The following TMEM233 variants were observed in gnomAD, a reference collection of about 807,000 sequenced individuals.
The protein encoded by TMEM233 is transmembrane protein 233.
A neutral mutation model predicts 11.2 loss-of-function variants in TMEM233; 6 were observed. That is an observed-to-expected ratio of 0.54 (90% CI 0.29 to 1.06). The LOEUF is 1.06. Ranked by LOEUF, TMEM233 falls within the 50% of genes least tolerant of loss-of-function variation. TMEM233 has a pLI of 0.08. For missense variants in TMEM233, 127 were observed against 144.7 expected (o/e 0.88, Z 0.63); for synonymous variants, 59 against 55.8 (o/e 1.06, Z -0.26).
the TMEM233 span, among the ~76,000 whole-genome samples, chr12:119,649,396 G>A: frequency 6.6e-6 from 1 of 152,140 alleles, no homozygotes; most frequent in Admixed American, 6.6e-5. Context: ...TTGTGCCTGG[G>A]ATGCCCCCTA....
intron 1 of TMEM233, among the ~76,000 whole-genome samples, chr12:119,599,269 T>A (rs1286443236): frequency 1.3e-5 from 2 of 152,226 alleles, no homozygotes; most frequent in African/African-American, 2.4e-5. Flanking sequence ...TTGTAATTTT[T>A]AAATAACTTA....
intron 1 of TMEM233, among the ~76,000 whole-genome samples, chr12:119,625,367 C>CTTCT (rs71072545): frequency 0.72 from 105,429 of 145,438 alleles, 38,449 homozygotes; most frequent in Middle Eastern, 0.84. Context: ...ATAACTTCTT[C>CTTCT]TTTTTTTTTT....
rs1953982518 is a variant in TMEM233, at chr12:119,594,228, C to G, written c.186+194C>G. 2 of 602,824 alleles carry G rather than the reference C, an allele frequency of 3.3e-6. No individual in the cohort carries two copies. Among genetic ancestry groups the G allele is most frequent in the Admixed American group, 6.0e-5 (2 of 33,596 alleles). The allele number at this position is 602,824 out of a possible 1,614,324, so 37.3% of individuals were successfully genotyped here. A position where few individuals can be genotyped will look rare whatever the true frequency, so the allele number is the denominator to read the frequency against. Reference sequence around the variant, plus strand: ...CTCCCCGCAATCATCAGCACCTCCTCTGCACTCCTCGTGGTACTCAGAGCC... The same window carrying G: ...CTCCCCGCAATCATCAGCACCTCCTGTGCACTCCTCGTGGTACTCAGAGCC... On this transcript the variant is annotated intron_variant, in intron 1 of 2. Transcript: ENST00000426426. This position sits in a 1 kb window ranked among gnomAD's most constrained non-coding sequence, Gnocchi z 5.6.
Position 119,640,723 on chromosome 12 carries a change from G to A in TMEM233, c.*18G>A. 6.4e-7 allele frequency: 1 copy of A among 1,550,768 alleles called. No homozygotes were observed. The highest frequency in any genetic ancestry group is 8.7e-7 in the Non-Finnish European group (1 of 1,146,936). On this transcript the variant is annotated 3_prime_UTR_variant, in exon 3 of 3. Transcript: ENST00000426426. ...GTGCCTGAGGAACCAGCGGTCAGTG[G>A]GCTGTGAGCGTGGAGGATGGACCTC...
chr12:119,625,079 A>G (rs1030436903), intron 1 of TMEM233, among the ~76,000 whole-genome samples: 25 of 152,280 alleles, frequency 1.6e-4, no homozygotes, highest in South Asian at 8.3e-4. Flanking sequence ...TCTCATTCAC[A>G]CAAGAGGCCT....
At chr12:119,627,682 C>A (rs572133244) in intron 1 of TMEM233, among the ~76,000 whole-genome samples, 1 of 152,294 alleles carries the variant, frequency 6.6e-6, no homozygotes, top group East Asian at 1.9e-4. Context: ...CCAGGCCCCA[C>A]CTCCAACATT....
rs568311774 is a variant in TMEM233, at chr12:119,623,247, G to T, written c.187-6489G>T. ...GCCAGGAGTTGCCATTTAGAAAAGA[G>T]AGGGGACTTCATTATTTTTCCTATG... On this transcript the variant is annotated intron_variant, in intron 1 of 2. Coordinates refer to ENST00000426426, the MANE Select transcript of TMEM233 (RefSeq NM_001136534.3). 3.3e-5 allele frequency among the ~76,000 whole-genome samples: 5 copies of T among 152,316 alleles called. No homozygotes were observed. In the South Asian group the frequency reaches 8.3e-4, roughly 25 times the overall value.
chr12:119,611,434 G>C (rs1954398179), intron 1 of TMEM233, among the ~76,000 whole-genome samples: 1 of 151,980 alleles, frequency 6.6e-6, no homozygotes, highest in Admixed American at 6.5e-5. Flanking sequence ...ATGATGTTGA[G>C]CATTTCCTGT....
At chr12:119,625,229 T>G (rs949535600) in intron 1 of TMEM233, among the ~76,000 whole-genome samples, 1 of 152,224 alleles carries the variant, frequency 6.6e-6, no homozygotes, top group African/African-American at 2.4e-5. Flanking sequence ...ATTGTCTGCA[T>G]ATGTCTAATC....
intron 1 of TMEM233, among the ~76,000 whole-genome samples, chr12:119,604,998 C>CTCTTTTTTTTTTTT (rs567468740): frequency 7.1e-6 from 1 of 141,458 alleles, no homozygotes. Flanking sequence ...CCCTCACTAT[C>CTCTTTTTTTTTTTT]TTTTTTTTTT....
At chr12:119,613,634 C>T (rs1954458381) in intron 1 of TMEM233, among the ~76,000 whole-genome samples, 1 of 151,688 alleles carries the variant, frequency 6.6e-6, no homozygotes, top group African/African-American at 2.4e-5. Context: ...GGCAACATAG[C>T]AAGACCCTGT....
In TMEM233 at chr12:119,593,949, C is replaced by T; in HGVS notation, c.101C>T (p.Pro34Leu). Reference protein sequence around the residue: ...DDKTEEDVPMPKNYLWLTIVS... With the variant: ...DDKTEEDVPMLKNYLWLTIVS... ...AAGACCGAGGAGGACGTGCCCATGC[C>T]CAAGAACTACCTGTGGCTCACCATC... The change falls in exon 1 of 3, where the codon CCC (proline) becomes CTC (leucine). Residue 34 changes from proline to leucine, a missense_variant. Physicochemically the swap from Pro to Leu is moderately conservative, Grantham distance 98 (BLOSUM62 -3). Transcript: ENST00000426426. This position sits in a 1 kb window ranked among gnomAD's most constrained non-coding sequence, Gnocchi z 4.1. 6.4e-7 allele frequency: 1 copy of T among 1,551,744 alleles called. No homozygotes were observed. Among genetic ancestry groups the T allele is most frequent in the Non-Finnish European group, 8.7e-7 (1 of 1,146,992 alleles).
At chr12:119,631,340 A>G in intron 2 of TMEM233, 1 of 219,838 alleles carries the variant, frequency 4.5e-6, no homozygotes. Flanking sequence ...AGCCAACCCA[A>G]CCTTGGCAAC....
At chr12:119,609,563 G>C (rs1468616564) in intron 1 of TMEM233, among the ~76,000 whole-genome samples, 1 of 152,144 alleles carries the variant, frequency 6.6e-6, no homozygotes, top group Non-Finnish European at 1.5e-5. Context: ...ATGGGCCCAG[G>C]GCCCCCTGCT....
chr12:119,640,878 A>T lies in TMEM233; in HGVS notation c.*173A>T, dbSNP rs1955073630. The T allele has an allele frequency of 3.1e-6, 2 of 642,784 alleles. No individual in the cohort carries two copies. The highest frequency in any genetic ancestry group is 4.9e-6 in the Non-Finnish European group (2 of 404,630). The allele number at this position is 642,784 out of a possible 1,614,324, so 39.8% of individuals were successfully genotyped here. On this transcript the variant is annotated 3_prime_UTR_variant, in exon 3 of 3. Coordinates refer to ENST00000426426, the MANE Select transcript of TMEM233 (RefSeq NM_001136534.3). ...CAAGAAAAAAAAAAAAAAAAAGTCC[A>T]AAATTTAGGCAATCCAAGCTGCACA... is the stretch of plus-strand genomic sequence containing the variant.
At chr12:119,640,116 A>C (rs1486433592) in intron 2 of TMEM233, among the ~76,000 whole-genome samples, 1 of 151,964 alleles carries the variant, frequency 6.6e-6, no homozygotes, top group Non-Finnish European at 1.5e-5. Context: ...GAAATGCTCA[A>C]GAGGCATTTT....
rs572862963 is a variant in TMEM233 at position 119,633,118 on chromosome 12, T to C, written c.323+3246T>C. On this transcript the variant is annotated intron_variant, in intron 2 of 2. Transcript: ENST00000426426. ...CACTGTTCACAAAGGTTAGAGCCTA[T>C]GATTTAATACCAGCTTTATCAGGAT... Among the ~76,000 whole-genome samples, 78 of 152,332 alleles carry C rather than the reference T, an allele frequency of 5.1e-4. No individual in the cohort carries two copies. In the South Asian group the frequency reaches 0.01, roughly 20 times the overall value.
At position 119,641,585 on chromosome 12, in the gene TMEM233, C is replaced by A. The variant is rs1183414543; in HGVS notation, c.*880C>A. ...TCCTGGATGCCACCTGGAAATGCCA[C>A]CCATTGTGTTTCTTTTCTGTCAAAT... On this transcript the variant is annotated 3_prime_UTR_variant, in exon 3 of 3. Transcript: ENST00000426426. 1 of 152,036 alleles carries A rather than the reference C, an allele frequency of 6.6e-6. No homozygotes were observed. The highest frequency in any genetic ancestry group is 6.5e-5 in the Admixed American group (1 of 15,270). 9.4% of individuals were successfully genotyped at this position (152,036 alleles called of 1,614,324 possible).
chr12:119,643,407 A>T (rs1239095854), downstream of TMEM233, among the ~76,000 whole-genome samples: 2 of 152,212 alleles, frequency 1.3e-5, no homozygotes, highest in African/African-American at 4.8e-5. Context: ...TGTTGGGATG[A>T]TGGGCTTGTC....
Sources: gnomAD v4.1 joint callset for allele counts (sites outside exome capture counted in the v4.1 genomes callset) on GRCh38, gnomAD v4.1.1 for gene constraint, Gnocchi (gnomAD v3.1) non-coding constraint, MANE v1.5 for transcripts, NCBI Gene and HGNC (gene_info 2026-07-23, HGNC 2026-07-21) for gene names.